Variants in CNTN5 observed in about 807,000 individuals in gnomAD.
CNTN5 encodes contactin 5.
Under a neutral mutation model 129.1 loss-of-function variants are expected in CNTN5, and 77 were observed. The ratio of observed to expected loss-of-function variants is 0.60; its 90% CI spans 0.50 to 0.72. The LOEUF (loss-of-function observed/expected upper bound fraction) is 0.72. CNTN5 is among the 30% of genes least tolerant of loss of function. The pLI, the probability that CNTN5 is intolerant of heterozygous loss-of-function variation, is 0.00. For missense variants in CNTN5, 1,478 were observed against 1,328.8 expected (o/e 1.11, Z -1.75); for synonymous variants, 509 against 465.6 (o/e 1.09, Z -1.20).
At chr11:99,205,852 C>T (rs987058913) in intron 1 of CNTN5, among the ~76,000 whole-genome samples, 1 of 152,042 alleles carries the variant, frequency 6.6e-6, no homozygotes, top group African/African-American at 2.4e-5. Context: ...AGAAAAGGCT[C>T]ATTGGAGGAT....
intron 9 of CNTN5, among the ~76,000 whole-genome samples, chr11:100,052,227 C>T (rs1219989724): frequency 6.6e-6 from 1 of 151,892 alleles, no homozygotes; most frequent in Non-Finnish European, 1.5e-5. Context: ...GAAACTTTCT[C>T]ATCTAGGAAA....
Position 99,262,046 on chromosome 11 carries a change from A to C in CNTN5, c.-209-63300A>C, listed in dbSNP as rs145273073. On this transcript the variant is annotated intron_variant, in intron 1 of 24. Transcript: ENST00000524871. ...CTAATGTGAACCATATGCTTAAACC[A>C]TACTGGTGATCATGTAGTCCCTGAG... 2.0e-5 allele frequency among the ~76,000 whole-genome samples: 3 copies of C among 152,152 alleles called. No individual in the cohort carries two copies. The East Asian group carries it at 5.8e-4, about 29-fold the overall frequency.
At chr11:99,637,077 C>G (rs11220773) in intron 3 of CNTN5, among the ~76,000 whole-genome samples, 65,910 of 113,254 alleles carry the variant, frequency 0.58, 20,347 homozygotes, top group Middle Eastern at 0.68. Context: ...GGCACTGTCA[C>G]TTTGATGGTT....
chr11:99,998,761 C>T (rs1297960652), intron 8 of CNTN5, among the ~76,000 whole-genome samples: 21 of 149,930 alleles, frequency 1.4e-4, no homozygotes, highest in African/African-American at 4.7e-4. Context: ...AAATATACTA[C>T]AAGGCTACAG....
Position 99,043,915 on chromosome 11 carries a change from G to A in CNTN5, c.-210+22645G>A, listed in dbSNP as rs1052602874. Among the ~76,000 whole-genome samples the A allele has an allele frequency of 4.0e-4, 61 of 152,220 alleles. 1 individual carries two copies. Among genetic ancestry groups the A allele is most frequent in the African/African-American group, 1.4e-3 (58 of 41,542 alleles). The stretch of plus-strand genomic sequence containing the variant: ...GACCATTTCAGCTCCGTGGATGTTC[G>A]ATGTTAAATGAGACAGTGTGAGAGA... On this transcript the variant is annotated intron_variant, in intron 1 of 24. Transcript: ENST00000524871.
chr11:99,828,323 G>A (rs1415937585), intron 4 of CNTN5, among the ~76,000 whole-genome samples: 1 of 152,134 alleles, frequency 6.6e-6, no homozygotes, highest in African/African-American at 2.4e-5. Context: ...CACAGGCTGG[G>A]TAATTTAAAA....
chr11:99,657,852 T>C (rs989702167), intron 3 of CNTN5, among the ~76,000 whole-genome samples: 1 of 152,126 alleles, frequency 6.6e-6, no homozygotes, highest in Non-Finnish European at 1.5e-5. Flanking sequence ...TTTTGAAGGA[T>C]GAGATGTGTT....
chr11:99,526,620 A>T (rs1339750236), intron 2 of CNTN5, among the ~76,000 whole-genome samples: 2 of 152,190 alleles, frequency 1.3e-5, no homozygotes, highest in African/African-American at 4.8e-5. Context: ...GTCACGATCA[A>T]TTCTTTGAGG....
chr11:99,507,935 C>T (rs1396399155), intron 2 of CNTN5, among the ~76,000 whole-genome samples: 1 of 152,132 alleles, frequency 6.6e-6, no homozygotes, highest in Non-Finnish European at 1.5e-5. Flanking sequence ...TAAAACTTAA[C>T]TCAAATGTGT....
At chr11:100,082,833 A>G (rs758438909) in intron 13 of CNTN5, among the ~76,000 whole-genome samples, 4 of 152,118 alleles carry the variant, frequency 2.6e-5, no homozygotes, top group Non-Finnish European at 5.9e-5. Context: ...TCTCTTTTGC[A>G]TCACTGTGAG....
At chr11:99,544,594 T>G (rs1431087160) in intron 2 of CNTN5, among the ~76,000 whole-genome samples, 1 of 152,210 alleles carries the variant, frequency 6.6e-6, no homozygotes, top group Non-Finnish European at 1.5e-5. Context: ...TTAAAGCCAT[T>G]TAACTAACAG....
intron 1 of CNTN5, among the ~76,000 whole-genome samples, chr11:99,240,778 A>C (rs1056408577): frequency 3.3e-5 from 5 of 152,264 alleles, no homozygotes; most frequent in Non-Finnish European, 5.9e-5. Context: ...AACTGATAAA[A>C]GAAAACAAAA....
intron 3 of CNTN5, among the ~76,000 whole-genome samples, chr11:99,702,136 A>G (rs575125514): frequency 2.6e-5 from 4 of 151,214 alleles, no homozygotes; most frequent in South Asian, 2.1e-4. Flanking sequence ...ATCAAGAAGA[A>G]GATATTATGC....
chr11:100,312,942 A>G (rs2138935858), intron 21 of CNTN5, among the ~76,000 whole-genome samples: 1 of 152,190 alleles, frequency 6.6e-6, no homozygotes, highest in East Asian at 1.9e-4. Context: ...CACATAAGTA[A>G]TAAGATAAAC....
At chr11:100,344,926 A>G (rs1005785987) in intron 23 of CNTN5, among the ~76,000 whole-genome samples, 1 of 152,134 alleles carries the variant, frequency 6.6e-6, no homozygotes, top group African/African-American at 2.4e-5. Flanking sequence ...GGAATATAAT[A>G]AGAACACTAT....
chr11:99,921,559 T>C (rs1431635516), intron 7 of CNTN5, among the ~76,000 whole-genome samples: 1 of 152,236 alleles, frequency 6.6e-6, no homozygotes, highest in Non-Finnish European at 1.5e-5. Context: ...CTCACAGCAT[T>C]ACATATACTG....
At chr11:99,208,907 A>G (rs1859619890) in intron 1 of CNTN5, among the ~76,000 whole-genome samples, 1 of 152,172 alleles carries the variant, frequency 6.6e-6, no homozygotes. Context: ...AACTGTTTAT[A>G]TTATAGAAAT....
chr11:99,996,565 C>T (rs1054797509), intron 8 of CNTN5, among the ~76,000 whole-genome samples: 1 of 152,048 alleles, frequency 6.6e-6, no homozygotes, highest in African/African-American at 2.4e-5. Context: ...GCTCCATTTA[C>T]TCTCTCCTAT....
intron 3 of CNTN5, among the ~76,000 whole-genome samples, chr11:99,720,404 A>C (rs1246791567): frequency 6.6e-6 from 1 of 151,878 alleles, no homozygotes; most frequent in Admixed American, 6.6e-5. Flanking sequence ...ACTAAAGACA[A>C]AAAACACATG....
Sources: gnomAD v4.1 joint callset for allele counts (sites outside exome capture counted in the v4.1 genomes callset) on GRCh38, gnomAD v4.1.1 for gene constraint, MANE v1.5 for transcripts, NCBI Gene and HGNC (gene_info 2026-07-23, HGNC 2026-07-21) for gene names.